The following DLC1 variants were observed in gnomAD, a reference collection of about 807,000 sequenced individuals.
DLC1 encodes DLC1 Rho GTPase activating protein.
DLC1 carries 54 observed loss-of-function variants against 140.3 expected under a neutral mutation model. The ratio of observed to expected loss-of-function variants is 0.38; its 90% CI spans 0.31 to 0.48. The LOEUF (loss-of-function observed/expected upper bound fraction) is 0.48. Among genes scored for constraint, DLC1 ranks in the 20% least tolerant of loss-of-function variants. DLC1 has a pLI of 0.96. For synonymous variants in DLC1, 986 were observed against 728.1 expected (o/e 1.35, Z -5.70); for missense variants, 2,536 against 1,907.0 (o/e 1.33, Z -6.14).
intron 5 of DLC1, among the ~76,000 whole-genome samples, chr8:13,150,206 T>A (rs1823706836): frequency 6.6e-6 from 1 of 152,238 alleles, no homozygotes; most frequent in Non-Finnish European, 1.5e-5. Context: ...GCCCTGTGGC[T>A]TCTCACATTA....
At chr8:13,489,866 C>G (rs1801158561) in intron 2 of DLC1, among the ~76,000 whole-genome samples, 1 of 152,134 alleles carries the variant, frequency 6.6e-6, no homozygotes, top group South Asian at 2.1e-4. Flanking sequence ...ATTCTGCACT[C>G]CAATTATTTG....
At chr8:13,443,032 G>T (rs895767131) in intron 2 of DLC1, among the ~76,000 whole-genome samples, 6 of 152,010 alleles carry the variant, frequency 3.9e-5, no homozygotes, top group Non-Finnish European at 7.4e-5. Context: ...CCATAAAAAA[G>T]GATGAGTTCA....
intron 5 of DLC1, among the ~76,000 whole-genome samples, chr8:13,153,763 G>C (rs1278270653): frequency 6.6e-6 from 1 of 151,660 alleles, no homozygotes; most frequent in Admixed American, 6.6e-5. Context: ...CAAACCTAGA[G>C]GTAGACACAG....
At chr8:13,546,966 TA>T (rs1457916253) in intron 1 of DLC1, among the ~76,000 whole-genome samples, 5 of 152,044 alleles carry the variant, frequency 3.3e-5, no homozygotes, top group Non-Finnish European at 5.9e-5. Flanking sequence ...GTTGTATATA[TA>T]AAAAACATAG....
chr8:13,415,487 C>T (rs1318498092), intron 2 of DLC1, among the ~76,000 whole-genome samples: 1 of 151,870 alleles, frequency 6.6e-6, no homozygotes, highest in African/African-American at 2.4e-5. Flanking sequence ...GCAAGCTCCA[C>T]CTCCTGGGTT....
At chr8:13,158,147 A>G (rs1363680720) in intron 5 of DLC1, among the ~76,000 whole-genome samples, 1 of 152,206 alleles carries the variant, frequency 6.6e-6, no homozygotes, top group Non-Finnish European at 1.5e-5. Context: ...TGTGTGTCAT[A>G]TAAAAGCCCA....
At chr8:13,375,740 TTTG>T (rs1188520675) in intron 4 of DLC1, among the ~76,000 whole-genome samples, 1 of 145,058 alleles carries the variant, frequency 6.9e-6, no homozygotes, top group African/African-American at 2.5e-5. Context: ...TTTTTATTTT[TTTG>T]CTGTGAGATG....
intron 5 of DLC1, among the ~76,000 whole-genome samples, chr8:13,217,308 G>A (rs1345031788): frequency 3.3e-5 from 5 of 152,098 alleles, no homozygotes; most frequent in Non-Finnish European, 5.9e-5. Context: ...TTAATCTAAT[G>A]TATAAAATAT....
chr8:13,158,867 A>C (rs1359544870), intron 5 of DLC1, among the ~76,000 whole-genome samples: 2 of 151,956 alleles, frequency 1.3e-5, no homozygotes, highest in Admixed American at 1.3e-4. Context: ...AAACAAATCC[A>C]GGGTCCCCTG....
At position 13,500,144 on chromosome 8, in the gene DLC1, A is replaced by T. The variant is rs1563402141; in HGVS notation, c.-73T>A. 1.5e-6 allele frequency: 2 copies of T among 1,330,212 alleles called. No homozygotes were observed. Among genetic ancestry groups the T allele is most frequent in the Non-Finnish European group, 2.1e-6 (2 of 971,294 alleles). 82.4% of individuals were successfully genotyped at this position (1,330,212 alleles called of 1,614,324 possible). A position where few individuals can be genotyped will look rare whatever the true frequency, so the allele number is the denominator to read the frequency against. ...TAAAGGAGATGGAACTTGATGAAAGATTATTTCAAAATCACCAATCAAAGA... is the reference window on the plus strand; with the variant it reads ...TAAAGGAGATGGAACTTGATGAAAGTTTATTTCAAAATCACCAATCAAAGA... On this transcript the variant is annotated 5_prime_UTR_variant, in exon 2 of 18. Transcript: ENST00000276297.
chr8:13,158,401 T>C (rs1449798372), intron 5 of DLC1, among the ~76,000 whole-genome samples: 1 of 152,218 alleles, frequency 6.6e-6, no homozygotes, highest in Non-Finnish European at 1.5e-5. Context: ...CATTTGTGTA[T>C]TTGGGGAAAA....
intron 2 of DLC1, among the ~76,000 whole-genome samples, chr8:13,491,136 T>A (rs945219684): frequency 6.7e-6 from 1 of 149,244 alleles, no homozygotes; most frequent in African/African-American, 2.4e-5. Context: ...TATTTTTTTA[T>A]ATATATATAG....
chr8:13,321,918 A>G (rs1327819958), intron 4 of DLC1, among the ~76,000 whole-genome samples: 2 of 152,154 alleles, frequency 1.3e-5, no homozygotes, highest in Non-Finnish European at 2.9e-5. Context: ...TCTATTTTTA[A>G]TTCCTGCAAA....
At chr8:13,478,367 C>A (rs1449048268) in intron 2 of DLC1, among the ~76,000 whole-genome samples, 6 of 152,176 alleles carry the variant, frequency 3.9e-5, no homozygotes, top group Admixed American at 6.5e-5. Context: ...TCCCATGACC[C>A]AGAAACCTCC....
chr8:13,153,783 C>T (rs560599476), intron 5 of DLC1, among the ~76,000 whole-genome samples: 45 of 150,268 alleles, frequency 3.0e-4, no homozygotes, highest in African/African-American at 1.0e-3. Flanking sequence ...GAATGCCGAT[C>T]GGTGCGTTTA....
At chr8:13,296,386 C>T (rs1317585620) in intron 5 of DLC1, among the ~76,000 whole-genome samples, 1 of 152,106 alleles carries the variant, frequency 6.6e-6, no homozygotes, top group Non-Finnish European at 1.5e-5. Context: ...GATAAGAGGT[C>T]AATGGCATTG....
intron 5 of DLC1, among the ~76,000 whole-genome samples, chr8:13,180,464 G>C (rs999570648): frequency 6.6e-6 from 1 of 151,898 alleles, no homozygotes; most frequent in Non-Finnish European, 1.5e-5. Flanking sequence ...AAATCAAAAG[G>C]TTAGTTCTTA....
chr8:13,467,453 C>CTTT (rs10671511), intron 2 of DLC1, among the ~76,000 whole-genome samples: 153 of 149,522 alleles, frequency 1.0e-3, no homozygotes, highest in Admixed American at 9.3e-4. Flanking sequence ...TCTTATATTC[C>CTTT]TTTTTTTTTC....
At chr8:13,223,372 T>G (rs1158233862) in intron 5 of DLC1, among the ~76,000 whole-genome samples, 2 of 152,220 alleles carry the variant, frequency 1.3e-5, no homozygotes, top group African/African-American at 2.4e-5. Context: ...TAAAGAATAT[T>G]AAATGCTCAC....
Sources: gnomAD v4.1 joint callset for allele counts (sites outside exome capture counted in the v4.1 genomes callset) on GRCh38, gnomAD v4.1.1 for gene constraint, MANE v1.5 for transcripts, NCBI Gene and HGNC (gene_info 2026-07-23, HGNC 2026-07-21) for gene names.